The following LOC400499 variants were observed in gnomAD, a reference collection of about 807,000 sequenced individuals.
the LOC400499 span, among the ~76,000 whole-genome samples, chr16:11,455,251 G>A: frequency 2.0e-5 from 3 of 152,120 alleles, no homozygotes; most frequent in African/African-American, 4.8e-5. Context: ...GAAAATGGAA[G>A]AGAATATGTA....
the LOC400499 span, among the ~76,000 whole-genome samples, chr16:11,451,394 A>G: frequency 1.3e-5 from 2 of 152,172 alleles, no homozygotes; most frequent in Admixed American, 1.3e-4. Context: ...AGCCTGGGCA[A>G]CAAAGCGAGA....
the LOC400499 span, among the ~76,000 whole-genome samples, chr16:11,438,686 G>C: frequency 5.9e-5 from 9 of 151,566 alleles, no homozygotes; most frequent in African/African-American, 1.9e-4. Context: ...CTACTCAGGA[G>C]GCTGAGGTGG....
At chr16:11,474,010 T>C in the LOC400499 span, among the ~76,000 whole-genome samples, 1 of 152,166 alleles carries the variant, frequency 6.6e-6, no homozygotes, top group Non-Finnish European at 1.5e-5. Flanking sequence ...CACGCCACCA[T>C]GCCCGGCTAA....
At chr16:11,485,544 T>G in the LOC400499 span, among the ~76,000 whole-genome samples, 1 of 152,140 alleles carries the variant, frequency 6.6e-6, no homozygotes, top group Admixed American at 6.6e-5. Flanking sequence ...CTTCTGTCCC[T>G]CCCGTCTTCC....
At chr16:11,485,860 G>C in the LOC400499 span, among the ~76,000 whole-genome samples, 14 of 152,306 alleles carry the variant, frequency 9.2e-5, no homozygotes, top group East Asian at 2.7e-3. Flanking sequence ...ATGAAAGATG[G>C]ATGAGTGGGA....
the LOC400499 span, among the ~76,000 whole-genome samples, chr16:11,386,182 G>A: frequency 6.6e-6 from 1 of 152,362 alleles, no homozygotes; most frequent in South Asian, 2.1e-4. Context: ...CCTCTTCAGG[G>A]TAGGGAACAG....
At chr16:11,428,995 G>A in the LOC400499 span, among the ~76,000 whole-genome samples, 1 of 152,112 alleles carries the variant, frequency 6.6e-6, no homozygotes, top group African/African-American at 2.4e-5. Context: ...AGGAAAATCC[G>A]GCACTGAAAT....
At chr16:11,386,812 A>AAGTC in the LOC400499 span, among the ~76,000 whole-genome samples, 2 of 152,176 alleles carry the variant, frequency 1.3e-5, no homozygotes, top group African/African-American at 2.4e-5. Context: ...GGCGAGTCTG[A>AAGTC]AGTCAGTCAG....
At chr16:11,516,241 G>A in the LOC400499 span, 3 of 399,650 alleles carry the variant, frequency 7.5e-6, 1 homozygote, top group South Asian at 3.8e-4. Context: ...CAGTGGGATG[G>A]GGACACAGGT....
chr16:11,522,612 C>T, the LOC400499 span, among the ~76,000 whole-genome samples: 1 of 152,126 alleles, frequency 6.6e-6, no homozygotes, highest in Admixed American at 6.5e-5. Flanking sequence ...GCTTCATAAC[C>T]AACTTTGAGG....
chr16:11,450,527 T>G, the LOC400499 span: 1 of 1,387,094 alleles, frequency 7.2e-7, no homozygotes, highest in African/African-American at 1.4e-5. Flanking sequence ...CCCACAGACC[T>G]CAGCTTTCAT....
At chr16:11,503,250 C>A in the LOC400499 span, among the ~76,000 whole-genome samples, 1 of 152,034 alleles carries the variant, frequency 6.6e-6, no homozygotes, top group African/African-American at 2.4e-5. Context: ...TTGTTTTATA[C>A]AATTATTAAC....
At chr16:11,490,733 A>T in the LOC400499 span, among the ~76,000 whole-genome samples, 1 of 152,234 alleles carries the variant, frequency 6.6e-6, no homozygotes, top group Non-Finnish European at 1.5e-5. Context: ...AGCCAAGAGC[A>T]CAACAGCAAG....
the LOC400499 span, among the ~76,000 whole-genome samples, chr16:11,443,755 C>T: frequency 6.6e-6 from 1 of 152,060 alleles, no homozygotes; most frequent in African/African-American, 2.4e-5. Flanking sequence ...CAAGGACACA[C>T]AGGCAAAAAC....
the LOC400499 span, among the ~76,000 whole-genome samples, chr16:11,494,346 G>A: frequency 6.8e-6 from 1 of 146,822 alleles, no homozygotes; most frequent in Non-Finnish European, 1.5e-5. Context: ...ACTCAGTGGT[G>A]TTGGGGGGCA....
the LOC400499 span, chr16:11,456,942 T>A: frequency 6.5e-7 from 1 of 1,536,280 alleles, no homozygotes; most frequent in Non-Finnish European, 8.7e-7. Flanking sequence ...GTACTGCACC[T>A]TCAGGTGACT....
the LOC400499 span, chr16:11,391,525 C>T: frequency 1.6e-6 from 1 of 643,258 alleles, no homozygotes; most frequent in Non-Finnish European, 2.2e-6. Flanking sequence ...CTAAACACAG[C>T]TGGGCTACAG....
At chr16:11,471,594 G>A in the LOC400499 span, 84 of 399,016 alleles carry the variant, frequency 2.1e-4, no homozygotes, top group East Asian at 5.0e-4. Flanking sequence ...TGAGCCCAGG[G>A]CTGACCTAAG....
chr16:11,494,635 C>T, the LOC400499 span: 1 of 399,328 alleles, frequency 2.5e-6, no homozygotes. Flanking sequence ...CTCCCAGGAT[C>T]CTCACTAGGG....
Sources: gnomAD v4.1 joint callset for allele counts (sites outside exome capture counted in the v4.1 genomes callset) on GRCh38, gnomAD v4.1.1 for gene constraint, MANE v1.5 for transcripts.